CADM2: variants seen among roughly 807,000 people sequenced by gnomAD.
The protein encoded by CADM2 is immunoglobulin superfamily member 4D.
CADM2 carries 12 observed loss-of-function variants against 49.8 expected under a neutral mutation model. The ratio of observed to expected loss-of-function variants is 0.24; its 90% CI spans 0.15 to 0.39. CADM2 has a LOEUF of 0.39. Ranked by LOEUF, CADM2 falls within the 10% of genes least tolerant of loss-of-function variation. The pLI is 1.00. For synonymous variants in CADM2, 214 were observed against 175.4 expected (o/e 1.22, Z -1.74); for missense variants, 378 against 492.3 (o/e 0.77, Z 2.20).
At chr3:85,041,831 C>T (rs188327147) in intron 1 of CADM2, among the ~76,000 whole-genome samples, 1 of 152,216 alleles carries the variant, frequency 6.6e-6, no homozygotes, top group East Asian at 1.9e-4. Context: ...GGCTTTTCAG[C>T]CAGGTCCATA....
rs547218454 is a variant in CADM2, at chr3:85,927,862, T to C, written c.701-7905T>C. Among the ~76,000 whole-genome samples the C allele has an allele frequency of 5.0e-4, 76 of 152,156 alleles. 1 individual carries two copies. Among genetic ancestry groups the C allele is most frequent in the Non-Finnish European group, 1.2e-4 (8 of 68,016 alleles). ...ATTTTATTTTTTTCCTGATAAAACA[T>C]TTAACTCAAAGCTTCTTTTTATTTA... On this transcript the variant is annotated intron_variant, in intron 6 of 9. Transcript: ENST00000383699.
At chr3:85,667,968 T>C (rs1446002010) in intron 1 of CADM2, among the ~76,000 whole-genome samples, 1 of 152,076 alleles carries the variant, frequency 6.6e-6, no homozygotes, top group Non-Finnish European at 1.5e-5. Flanking sequence ...TCTATTTCTG[T>C]ATATGTGAAG....
chr3:85,249,101 A>G (rs187931878), intron 1 of CADM2, among the ~76,000 whole-genome samples: 38 of 152,226 alleles, frequency 2.5e-4, no homozygotes, highest in Admixed American at 2.4e-3. Flanking sequence ...CCTAAACTAT[A>G]TTGTGAGACA....
At chr3:85,995,207 A>G (rs1209032923) in intron 8 of CADM2, among the ~76,000 whole-genome samples, 1 of 152,084 alleles carries the variant, frequency 6.6e-6, no homozygotes, top group East Asian at 1.9e-4. Flanking sequence ...CCAAAATTCC[A>G]TATTTCTATA....
chr3:85,469,673 A>T (rs975057449), intron 1 of CADM2, among the ~76,000 whole-genome samples: 4 of 152,162 alleles, frequency 2.6e-5, no homozygotes, highest in African/African-American at 9.7e-5. Flanking sequence ...GTGCTTGATG[A>T]GAGAGAAGTT....
At chr3:85,329,392 G>GACACAC (rs145193562) in intron 1 of CADM2, among the ~76,000 whole-genome samples, 83 of 146,268 alleles carry the variant, frequency 5.7e-4, no homozygotes, top group African/African-American at 1.2e-3. Flanking sequence ...CACACACACA[G>GACACAC]ACACACACAC....
chr3:85,552,438 T>G (rs1232692459), intron 1 of CADM2, among the ~76,000 whole-genome samples: 1 of 141,440 alleles, frequency 7.1e-6, no homozygotes, highest in African/African-American at 2.8e-5. Flanking sequence ...TGGAGTGCAG[T>G]GGCGCCATCT....
intron 3 of CADM2, among the ~76,000 whole-genome samples, chr3:85,813,234 T>C (rs2072995726): frequency 6.6e-6 from 1 of 152,316 alleles, no homozygotes; most frequent in Admixed American, 6.5e-5. Flanking sequence ...TTTTGAATGA[T>C]TGCCATTCTA....
chr3:85,571,749 A>G (rs150888172), intron 1 of CADM2, among the ~76,000 whole-genome samples: 2 of 152,150 alleles, frequency 1.3e-5, no homozygotes, highest in East Asian at 1.9e-4. Flanking sequence ...AGATTATAGC[A>G]CCTGTTAAGT....
chr3:85,585,698 C>G (rs1177771652), intron 1 of CADM2, among the ~76,000 whole-genome samples: 1 of 151,894 alleles, frequency 6.6e-6, no homozygotes, highest in Admixed American at 6.6e-5. Flanking sequence ...GATCTGTGTT[C>G]TAAAAGCTGT....
chr3:85,913,020 C>T (rs9877300), intron 6 of CADM2, among the ~76,000 whole-genome samples: 13,705 of 152,172 alleles, frequency 0.09, 765 homozygotes, highest in Non-Finnish European at 0.12. Flanking sequence ...ATGTTTTCAT[C>T]ATCATCATTA....
intron 1 of CADM2, among the ~76,000 whole-genome samples, chr3:85,059,098 G>C (rs1353668312): frequency 6.6e-6 from 1 of 151,818 alleles, no homozygotes; most frequent in Non-Finnish European, 1.5e-5. Context: ...AATTAGCTGG[G>C]AGTGGTGGCA....
chr3:85,957,282 GTCTA>G (rs1290961501), intron 7 of CADM2, among the ~76,000 whole-genome samples: 2 of 151,500 alleles, frequency 1.3e-5, no homozygotes, highest in Non-Finnish European at 3.0e-5. Context: ...GGAGTGATTT[GTCTA>G]TCTAATTGAA....
intron 2 of CADM2, among the ~76,000 whole-genome samples, chr3:85,759,912 A>G (rs1016252553): frequency 6.6e-6 from 1 of 152,168 alleles, no homozygotes; most frequent in African/African-American, 2.4e-5. Flanking sequence ...TACTATAAAT[A>G]TCTTCTATGA....
At chr3:85,296,466 A>G (rs1277566833) in intron 1 of CADM2, among the ~76,000 whole-genome samples, 1 of 151,956 alleles carries the variant, frequency 6.6e-6, no homozygotes, top group African/African-American at 2.4e-5. Context: ...TGCTGTCCCT[A>G]TATTGATATT....
chr3:85,944,032 C>A (rs1421752628), intron 7 of CADM2, among the ~76,000 whole-genome samples: 1 of 152,016 alleles, frequency 6.6e-6, no homozygotes, highest in African/African-American at 2.4e-5. Context: ...AAACCCATCT[C>A]ACCTATAGAG....
intron 1 of CADM2, among the ~76,000 whole-genome samples, chr3:85,062,956 T>G (rs1188155932): frequency 6.6e-6 from 1 of 151,922 alleles, no homozygotes; most frequent in Non-Finnish European, 1.5e-5. Flanking sequence ...GAGGCATCAC[T>G]TAGGAATTGA....
At chr3:85,217,287 T>C (rs2041949035) in intron 1 of CADM2, among the ~76,000 whole-genome samples, 1 of 151,902 alleles carries the variant, frequency 6.6e-6, no homozygotes, top group South Asian at 2.1e-4. Flanking sequence ...ACTCATAAAA[T>C]AAGCATAGCA....
intron 5 of CADM2, among the ~76,000 whole-genome samples, chr3:85,894,248 C>CA (rs1200720473): frequency 1.3e-5 from 2 of 151,990 alleles, no homozygotes; most frequent in Non-Finnish European, 2.9e-5. Flanking sequence ...ATTGCAATGA[C>CA]AAAAAACCAA....
Sources: gnomAD v4.1 joint callset for allele counts (sites outside exome capture counted in the v4.1 genomes callset) on GRCh38, gnomAD v4.1.1 for gene constraint, MANE v1.5 for transcripts, NCBI Gene and HGNC (gene_info 2026-07-23, HGNC 2026-07-21) for gene names.